CHRM2: variants seen among roughly 807,000 people sequenced by gnomAD.
The protein encoded by CHRM2 is cholinergic receptor muscarinic 2, also known as muscarinic acetylcholine receptor M2.
A neutral mutation model predicts 25.0 loss-of-function variants in CHRM2; 8 were observed. That is an observed-to-expected ratio of 0.32 (90% CI 0.19 to 0.58). The LOEUF (loss-of-function observed/expected upper bound fraction) is 0.58, where lower values mean the gene tolerates loss of function less well. Ranked by LOEUF, CHRM2 falls within the 20% of genes least tolerant of loss-of-function variation. The pLI, the probability that CHRM2 is intolerant of heterozygous loss-of-function variation, is 0.88. For missense variants in CHRM2, 440 were observed against 567.1 expected (o/e 0.78, Z 2.28); for synonymous variants, 202 against 205.7 (o/e 0.98, Z 0.15).
At chr7:136,929,769 T>A (rs1798954093) in intron 2 of CHRM2, among the ~76,000 whole-genome samples, 1 of 152,154 alleles carries the variant, frequency 6.6e-6, no homozygotes, top group Non-Finnish European at 1.5e-5. Flanking sequence ...TATTTGCATT[T>A]TGCTTTCAAA....
chr7:136,920,866 A>G (rs1433248697), intron 2 of CHRM2, among the ~76,000 whole-genome samples: 1 of 152,064 alleles, frequency 6.6e-6, no homozygotes. Flanking sequence ...ATTTCTTGTT[A>G]CTATCACGAA....
chr7:136,910,800 A>AGTGTGTGTGTGT lies in CHRM2; in HGVS notation c.-125+41402_-125+41413dup, dbSNP rs71533718. Among the ~76,000 whole-genome samples, 550 of 145,760 alleles carry AGTGTGTGTGTGT rather than the reference A, an allele frequency of 3.8e-3. 2 individuals carry two copies. The highest frequency in any genetic ancestry group is 0.025 in the Middle Eastern group (7 of 280). On this transcript the variant is annotated intron_variant, in intron 2 of 3. Coordinates refer to ENST00000680005, the MANE Select transcript of CHRM2 (RefSeq NM_001006630.2). ...GGTTTGGTGTGGTTATTTAAAATTA[A>AGTGTGTGTGTGT]GTGTGTGTGTGTGTGTGTGTGTGTG...
intron 3 of CHRM2, among the ~76,000 whole-genome samples, chr7:137,006,496 C>A (rs1055768562): frequency 4.6e-5 from 7 of 152,010 alleles, no homozygotes; most frequent in Non-Finnish European, 8.8e-5. Context: ...TGACAGGCAG[C>A]CAAAATGGCA....
intron 2 of CHRM2, among the ~76,000 whole-genome samples, chr7:136,914,685 A>G (rs1453677387): frequency 1.3e-5 from 2 of 151,982 alleles, no homozygotes; most frequent in African/African-American, 4.8e-5. Flanking sequence ...AGTTCTAAAA[A>G]GCAATACAAT....
intron 2 of CHRM2, among the ~76,000 whole-genome samples, chr7:136,877,992 GA>G: frequency 6.6e-6 from 1 of 152,052 alleles, no homozygotes; most frequent in Middle Eastern, 3.4e-3. Context: ...GATAAGCACA[GA>G]ATAATTTGAT....
At chr7:136,934,453 T>C (rs1207210399) in intron 2 of CHRM2, among the ~76,000 whole-genome samples, 5 of 152,140 alleles carry the variant, frequency 3.3e-5, no homozygotes, top group Non-Finnish European at 7.4e-5. Context: ...AGCCCTATAC[T>C]CCAAATAACT....
At chr7:136,977,149 A>G (rs1436853266) in intron 2 of CHRM2, among the ~76,000 whole-genome samples, 1 of 152,218 alleles carries the variant, frequency 6.6e-6, no homozygotes, top group African/African-American at 2.4e-5. Context: ...AAAGCAGATT[A>G]GTAAGCAACT....
chr7:136,965,568 T>TATCAA, intron 2 of CHRM2, among the ~76,000 whole-genome samples: 1 of 152,004 alleles, frequency 6.6e-6, no homozygotes, highest in South Asian at 2.1e-4. Flanking sequence ...AAAGAGAAAA[T>TATCAA]AACTCAAAAT....
intron 2 of CHRM2, among the ~76,000 whole-genome samples, chr7:136,962,331 C>T (rs550606927): frequency 3.2e-4 from 48 of 152,156 alleles, no homozygotes; most frequent in Admixed American, 1.5e-3. Context: ...GACAGGGTTT[C>T]GCCGTGTTGG....
intron 2 of CHRM2, among the ~76,000 whole-genome samples, chr7:136,934,773 A>T (rs971624305): frequency 4.3e-4 from 66 of 152,116 alleles, no homozygotes; most frequent in Middle Eastern, 3.4e-3. Flanking sequence ...AAAAAATATT[A>T]AAAATAATAG....
At chr7:136,952,941 G>T (rs1320628286) in intron 2 of CHRM2, among the ~76,000 whole-genome samples, 1 of 152,054 alleles carries the variant, frequency 6.6e-6, no homozygotes. Context: ...GTATTCCATG[G>T]TTTATATATA....
chr7:137,006,667 T>C (rs1804449662), intron 3 of CHRM2, among the ~76,000 whole-genome samples: 1 of 152,064 alleles, frequency 6.6e-6, no homozygotes, highest in African/African-American at 2.4e-5. Flanking sequence ...TTTTTCTTTT[T>C]CACAAAAGTG....
chr7:136,878,725 T>C (rs1444694740), intron 2 of CHRM2, among the ~76,000 whole-genome samples: 2 of 151,940 alleles, frequency 1.3e-5, no homozygotes, highest in Non-Finnish European at 2.9e-5. Flanking sequence ...TTTTTCTTTC[T>C]AAATCTTGAA....
chr7:137,015,128 AC>A lies in CHRM2; in HGVS notation c.264del (p.Trp89GlyfsTer12). On this transcript the variant is annotated frameshift_variant, in exon 4 of 4. Transcript: ENST00000680005. LOFTEE classifies it high-confidence loss of function. This position sits in a 1 kb window ranked among gnomAD's most constrained non-coding sequence, Gnocchi z 5.1. ...NLYTLYTVIG[Y>X]WPLGPVVCDL... Reference sequence around the variant, plus strand: ...TACACCCTCTACACTGTGATTGGTTACTGGCCTTTGGGACCTGTGGTGTGTG... The same window carrying A: ...TACACCCTCTACACTGTGATTGGTTATGGCCTTTGGGACCTGTGGTGTGTG... 1 of 1,613,544 alleles carries A rather than the reference AC, an allele frequency of 6.2e-7. No homozygotes were observed. Among genetic ancestry groups the A allele is most frequent in the Non-Finnish European group, 8.5e-7 (1 of 1,179,632 alleles).
chr7:136,979,198 CAT>C (rs1802313701), intron 2 of CHRM2, among the ~76,000 whole-genome samples: 1 of 152,170 alleles, frequency 6.6e-6, no homozygotes, highest in South Asian at 2.1e-4. Context: ...TCTCTAATGA[CAT>C]GTGATGATGA....
intron 2 of CHRM2, among the ~76,000 whole-genome samples, chr7:136,922,601 C>T (rs1798511383): frequency 6.6e-6 from 1 of 152,150 alleles, no homozygotes; most frequent in South Asian, 2.1e-4. Flanking sequence ...TGAGCTCTAC[C>T]ACACATCATA....
Position 136,868,767 on chromosome 7 carries a change from CACACACAG to C in CHRM2, c.-500_-493del, listed in dbSNP as rs1483144011. 5 of 152,298 alleles carry C rather than the reference CACACACAG, an allele frequency of 3.3e-5. No individual in the cohort carries two copies. The highest frequency in any genetic ancestry group is 3.9e-4 in the East Asian group (2 of 5,158). 9.4% of individuals were successfully genotyped at this position (152,298 alleles called of 1,614,324 possible). ...GCGGGCACACACACACACACACACA[CACACACAG>C]ACACACACACACTCACACACTCCAG... On this transcript the variant is annotated 5_prime_UTR_variant, in exon 1 of 4. Coordinates refer to ENST00000680005, the MANE Select transcript of CHRM2 (RefSeq NM_001006630.2).
intron 2 of CHRM2, among the ~76,000 whole-genome samples, chr7:136,983,557 C>T (rs1251779189): frequency 1.3e-5 from 2 of 152,198 alleles, no homozygotes; most frequent in Non-Finnish European, 1.5e-5. Context: ...GGTTTTTCCT[C>T]ATCTTCATGG....
At chr7:136,902,153 T>C (rs1348158284) in intron 2 of CHRM2, 1 of 152,026 alleles carries the variant, frequency 6.6e-6, no homozygotes, top group Non-Finnish European at 1.5e-5. Flanking sequence ...AATTGTTAAC[T>C]ACTAACATTG....
Sources: allele counts gnomAD v4.1 joint callset (sites outside exome capture counted in the v4.1 genomes callset), GRCh38; gene constraint gnomAD v4.1.1; non-coding constraint Gnocchi (gnomAD v3.1); transcripts MANE v1.5; gene names NCBI Gene and HGNC (gene_info 2026-07-23, HGNC 2026-07-21).